Variants in TULP4 observed in about 807,000 individuals in gnomAD.
TULP4 encodes the protein TUB like protein 4.
TULP4 carries 16 observed loss-of-function variants against 129.0 expected under a neutral mutation model. That is an observed-to-expected ratio of 0.12 (90% CI 0.08 to 0.19). TULP4 has a LOEUF of 0.19. TULP4 is among the 10% of genes least tolerant of loss of function. TULP4 has a pLI of 1.00. For synonymous variants in TULP4, 998 were observed against 854.0 expected, an observed-to-expected ratio of 1.17 and a Z score of -2.94; for missense variants, 1,842 against 2,059.1, an observed-to-expected ratio of 0.89 and a Z score of 2.04.
At chr6:158,259,095 T>G (rs1435594148) in intron 1 of TULP4, among the ~76,000 whole-genome samples, 1 of 152,008 alleles carries the variant, frequency 6.6e-6, no homozygotes, top group African/African-American at 2.4e-5. Flanking sequence ...CCAAGGGTGG[T>G]GGTGCGTGCC....
chr6:158,264,214 C>G (rs1583687055), intron 1 of TULP4, among the ~76,000 whole-genome samples: 2 of 152,316 alleles, frequency 1.3e-5, no homozygotes, highest in South Asian at 4.1e-4. Flanking sequence ...GAATCACGTT[C>G]AGGAAAAGCG....
chr6:158,305,784 A>G (rs573106260), intron 1 of TULP4, among the ~76,000 whole-genome samples: 1 of 152,170 alleles, frequency 6.6e-6, no homozygotes, highest in South Asian at 2.1e-4. Context: ...ATTGGCATAC[A>G]AATATCTGTT....
At position 158,276,523 on chromosome 6, in the gene TULP4, CCTT is replaced by C. The variant is rs1056063708; in HGVS notation, n.69-35522_69-35520del. 1.1e-4 allele frequency among the ~76,000 whole-genome samples: 16 copies of C among 151,636 alleles called. No homozygotes were observed. The East Asian group carries it at 1.7e-3, about 17-fold the overall frequency. ...AGTCTCACACTGGTCACAAACTCCT[CCTT>C]CTTCTAAAGCAACAAAAACGTGTTC... On this transcript the variant is annotated intron_variant and non_coding_transcript_variant, in intron 1 of 1. Transcript: ENST00000620026.
At chr6:158,341,126 CAG>C (rs1407975310) in intron 1 of TULP4, among the ~76,000 whole-genome samples, 2 of 152,126 alleles carry the variant, frequency 1.3e-5, no homozygotes, top group African/African-American at 4.8e-5. Flanking sequence ...TCATTCTACT[CAG>C]AATCTCCATG....
intron 1 of TULP4, among the ~76,000 whole-genome samples, chr6:158,329,735 T>A (rs547784626): frequency 1.3e-5 from 2 of 152,274 alleles, no homozygotes; most frequent in Admixed American, 1.3e-4. Context: ...TTGTGACTAA[T>A]TAGGGAATCA....
At chr6:158,498,121 C>T (rs999254373) in intron 11 of TULP4, among the ~76,000 whole-genome samples, 3 of 152,114 alleles carry the variant, frequency 2.0e-5, no homozygotes. Flanking sequence ...AATCTCTATC[C>T]TGATGGTTAG....
In TULP4 at chr6:158,331,728, C is replaced by CGTATATATAT. The variant is rs1562523161; in HGVS notation, c.252+17460_252+17461insGTATATATAT. 7.2e-4 allele frequency among the ~76,000 whole-genome samples: 27 copies of CGTATATATAT among 37,612 alleles called. 6 individuals are homozygous for CGTATATATAT. Among genetic ancestry groups the CGTATATATAT allele is most frequent in the Admixed American group, 1.2e-3 (3 of 2,436 alleles). 24.7% of individuals were successfully genotyped at this position (37,612 alleles called of 152,430 possible). Reference sequence around the variant, plus strand: ...ACACACACACACACACACACACACACATACGTATATATATACGTGTATATA... The same window carrying CGTATATATAT: ...ACACACACACACACACACACACACACGTATATATATATACGTATATATATACGTGTATATA... On this transcript the variant is annotated intron_variant, in intron 1 of 13. Transcript: ENST00000367097.
At chr6:158,247,171 G>A (rs1315814690) in intron 1 of TULP4, among the ~76,000 whole-genome samples, 1 of 152,026 alleles carries the variant, frequency 6.6e-6, no homozygotes, top group Non-Finnish European at 1.5e-5. Flanking sequence ...TATTTCTACT[G>A]TTTCTTCCTT....
rs1780664939 is a variant in TULP4 at position 158,508,887 on chromosome 6, T to TG, written c.*2193_*2194insG. ...GAGGATATGATAGAAGGTTTTTTTTTTTTTTTTTTTTTTTTTTTGAGACGG... is the reference window on the plus strand; with the variant it reads ...GAGGATATGATAGAAGGTTTTTTTTTGTTTTTTTTTTTTTTTTTTGAGACGG... On this transcript the variant is annotated 3_prime_UTR_variant, in exon 14 of 14. Coordinates refer to ENST00000367097, the MANE Select transcript of TULP4 (RefSeq NM_020245.5). 1 of 135,544 alleles carries TG rather than the reference T, an allele frequency of 7.4e-6. No homozygotes were observed. Among genetic ancestry groups the TG allele is most frequent in the Non-Finnish European group, 1.6e-5 (1 of 62,988 alleles). The allele number at this position is 135,544 out of a possible 1,614,324, so 8.4% of individuals were successfully genotyped here.
intron 1 of TULP4, among the ~76,000 whole-genome samples, chr6:158,297,870 C>T (rs1020025365): frequency 2.0e-5 from 3 of 152,162 alleles, no homozygotes; most frequent in South Asian, 2.1e-4. Context: ...TTTACCAGGG[C>T]GGAGTTTTTT....
chr6:158,310,670 C>CT (rs1320723156), upstream of TULP4, among the ~76,000 whole-genome samples: 1 of 152,110 alleles, frequency 6.6e-6, no homozygotes. Context: ...GGCCCCACCT[C>CT]TAACACTGGG....
At chr6:158,378,485 T>TTTTTGG (rs1554285635) in intron 1 of TULP4, among the ~76,000 whole-genome samples, 16 of 51,410 alleles carry the variant, frequency 3.1e-4, no homozygotes, top group Admixed American at 7.8e-4. Context: ...TTTTTTTTTT[T>TTTTTGG]GGTGGGGGTG....
intron 1 of TULP4, among the ~76,000 whole-genome samples, chr6:158,350,262 GGCTCCT>G (rs1459032331): frequency 4.5e-4 from 2 of 4,398 alleles, no homozygotes; most frequent in African/African-American, 7.1e-4. Flanking sequence ...CGGGCAGAGG[GGCTCCT>G]CACATCCCAG....
intron 5 of TULP4, among the ~76,000 whole-genome samples, chr6:158,453,052 G>T (rs897887674): frequency 6.6e-6 from 1 of 152,174 alleles, no homozygotes; most frequent in African/African-American, 2.4e-5. Flanking sequence ...GGATATAGGA[G>T]ACAAGCCAGG....
intron 2 of TULP4, among the ~76,000 whole-genome samples, chr6:158,417,367 C>T (rs192431399): frequency 6.6e-6 from 1 of 152,304 alleles, no homozygotes; most frequent in African/African-American, 2.4e-5. Flanking sequence ...CCCTGGGCCA[C>T]AGAACATCTG....
At chr6:158,412,695 A>G (rs181266968) in intron 1 of TULP4, among the ~76,000 whole-genome samples, 7 of 152,338 alleles carry the variant, frequency 4.6e-5, no homozygotes, top group Non-Finnish European at 1.0e-4. Context: ...TACTAAATAA[A>G]TAATACCCTG....
intron 1 of TULP4, among the ~76,000 whole-genome samples, chr6:158,270,927 A>G (rs1255628869): frequency 6.6e-6 from 1 of 152,162 alleles, no homozygotes; most frequent in Non-Finnish European, 1.5e-5. Context: ...AGGCAGGTTG[A>G]TCACCTGAGG....
At chr6:158,330,326 A>G (rs1779848565) in intron 1 of TULP4, among the ~76,000 whole-genome samples, 1 of 152,280 alleles carries the variant, frequency 6.6e-6, no homozygotes, top group African/African-American at 2.4e-5. Context: ...TGAATGTCCA[A>G]TAGGACCTTG....
At chr6:158,340,173 A>C (rs1175123136) in intron 1 of TULP4, among the ~76,000 whole-genome samples, 1 of 152,204 alleles carries the variant, frequency 6.6e-6, no homozygotes, top group East Asian at 1.9e-4. Context: ...AGTAACCTTG[A>C]TAATTTGGTG....
Sources: allele counts gnomAD v4.1 joint callset (sites outside exome capture counted in the v4.1 genomes callset), GRCh38; gene constraint gnomAD v4.1.1; transcripts MANE v1.5; gene names NCBI Gene and HGNC (gene_info 2026-07-23, HGNC 2026-07-21).